The following EFHC1 variants were observed in gnomAD, a reference collection of about 807,000 sequenced individuals.
EFHC1 encodes EF-hand domain-containing protein 1.
EFHC1 carries 53 observed loss-of-function variants against 69.9 expected under a neutral mutation model. That is an observed-to-expected ratio of 0.76 (90% CI 0.61 to 0.95). EFHC1 has a LOEUF of 0.95. Among genes scored for constraint, EFHC1 ranks in the 40% least tolerant of loss-of-function variants. The pLI is 0.00. For synonymous variants in EFHC1, 256 were observed against 278.4 expected (o/e 0.92, Z 0.80); for missense variants, 739 against 798.7 (o/e 0.93, Z 0.90).
intron 3 of EFHC1, among the ~76,000 whole-genome samples, chr6:52,450,258 T>C (rs1224424994): frequency 6.6e-6 from 1 of 152,212 alleles, no homozygotes; most frequent in East Asian, 1.9e-4. Flanking sequence ...TGCCATGTGG[T>C]GATGAGAATA....
chr6:52,483,570 G>A (rs1401563734), intron 9 of EFHC1: 1 of 152,232 alleles, frequency 6.6e-6, no homozygotes, highest in East Asian at 1.9e-4. Context: ...CAGGAAAAGG[G>A]TGGTAACTTC....
In EFHC1 at chr6:52,424,066, C is replaced by G. The variant is rs764616948; in HGVS notation, c.184C>G (p.Leu62Val). 12 of 1,614,144 alleles carry G rather than the reference C, an allele frequency of 7.4e-6. No homozygotes were observed. Among genetic ancestry groups the G allele is most frequent in the Middle Eastern group, 3.3e-4 (2 of 6,062 alleles). ...LQFNQLSQAE[L>V]DELASKAPVL... ...GTTCAACCAGCTGTCCCAGGCTGAG[C>G]TGGATGAGTTGGCCAGTAAGGCACC... Residue 62 changes from leucine (L) to valine (V), a missense_variant, in exon 2 of 11, where the codon CTG becomes GTG. Physicochemically the swap from Leu to Val is conservative, Grantham distance 32 (BLOSUM62 1). Coordinates refer to ENST00000371068, the MANE Select transcript of EFHC1 (RefSeq NM_018100.4).
rs376784441 is a variant in EFHC1, at chr6:52,459,831, C to T, written c.917-5064C>T. 6.5e-3 allele frequency among the ~76,000 whole-genome samples: 994 copies of T among 152,248 alleles called. 18 individuals are homozygous for T. The highest frequency in any genetic ancestry group is 0.022 in the African/African-American group (932 of 41,558). On this transcript the variant is annotated intron_variant, in intron 5 of 10. Transcript: ENST00000371068. The stretch of plus-strand genomic sequence containing the variant: ...CTGGGACTACAGGCGCCTGCCACTA[C>T]GCCCGGCTAATTTTTTGTATTTTTA...
intron 4 of EFHC1, chr6:52,453,615 G>A: frequency 3.3e-6 from 4 of 1,206,484 alleles, no homozygotes; most frequent in Non-Finnish European, 4.2e-6. Flanking sequence ...ATTTGAAGAA[G>A]CCTAGCCAAA....
At chr6:52,492,217 C>G (rs1306671862) in intron 10 of EFHC1, 53 bp from the exon 11 acceptor site, 1 of 1,526,650 alleles carries the variant, frequency 6.6e-7, no homozygotes, top group African/African-American at 1.4e-5. Flanking sequence ...TGCAGTTGAG[C>G]TGACGGAAGC....
intron 1 of EFHC1, 56 bp downstream of exon 1, chr6:52,420,529 G>A: frequency 6.2e-7 from 1 of 1,607,880 alleles, no homozygotes; most frequent in South Asian, 1.1e-5. Flanking sequence ...AGCCCAGGAG[G>A]TTTCCCCGCT....
intron 5 of EFHC1, 91 bp from the exon 6 acceptor site, chr6:52,464,804 A>G (rs1562457016): frequency 1.7e-5 from 19 of 1,088,002 alleles, no homozygotes; most frequent in Non-Finnish European, 2.2e-5. Context: ...GCACTCCCTC[A>G]GGTTCTCAAG....
chr6:52,446,112 C>A (rs1457598175), intron 3 of EFHC1, among the ~76,000 whole-genome samples: 1 of 152,064 alleles, frequency 6.6e-6, no homozygotes, highest in Non-Finnish European at 1.5e-5. Context: ...TCCTGGTTAT[C>A]CTTATTAACT....
Position 52,495,576 on chromosome 6 carries a change from C to A in EFHC1, c.*3235C>A. On this transcript the variant is annotated 3_prime_UTR_variant, in exon 11 of 11. Transcript: ENST00000371068. Reference sequence around the variant, plus strand: ...TTAGCATCCTCTAGCCTGCTTTTGGCTGTTTTGTTTTGTTTTTGTGTTTGT... The same window carrying A: ...TTAGCATCCTCTAGCCTGCTTTTGGATGTTTTGTTTTGTTTTTGTGTTTGT... 1 of 454,012 alleles carries A rather than the reference C, an allele frequency of 2.2e-6. No homozygotes were observed. Among genetic ancestry groups the A allele is most frequent in the Non-Finnish European group, 4.4e-6 (1 of 226,770 alleles). 28.1% of individuals were successfully genotyped at this position (454,012 alleles called of 1,614,324 possible). A position where few individuals can be genotyped will look rare whatever the true frequency, so the allele number is the denominator to read the frequency against.
At chr6:52,485,848 T>A (rs912554209) in intron 9 of EFHC1, 1 of 152,202 alleles carries the variant, frequency 6.6e-6, no homozygotes. Context: ...TTTTCTTTTT[T>A]AAATAAATTA....
intron 1 of EFHC1, among the ~76,000 whole-genome samples, chr6:52,422,706 CAT>C (rs1764217436): frequency 6.6e-6 from 1 of 152,030 alleles, no homozygotes; most frequent in Non-Finnish European, 1.5e-5. Context: ...AAACCATTAA[CAT>C]AACCTCTAAT....
chr6:52,444,851 T>G (rs1764744520), intron 3 of EFHC1, among the ~76,000 whole-genome samples: 1 of 152,232 alleles, frequency 6.6e-6, no homozygotes, highest in Non-Finnish European at 1.5e-5. Context: ...TTGGAATAGT[T>G]TCAGAAAGAA....
At chr6:52,440,587 G>A (rs1349066989) in intron 3 of EFHC1, among the ~76,000 whole-genome samples, 2 of 152,004 alleles carry the variant, frequency 1.3e-5, no homozygotes, top group Non-Finnish European at 2.9e-5. Context: ...ATAGTGCTGC[G>A]ATGAACATAC....
At chr6:52,451,011 G>T (rs1403534497) in intron 3 of EFHC1, among the ~76,000 whole-genome samples, 1 of 152,082 alleles carries the variant, frequency 6.6e-6, no homozygotes, top group African/African-American at 2.4e-5. Context: ...TGTTGGCCAG[G>T]CTGGTCCTAA....
chr6:52,487,914 A>C (rs542888591), intron 9 of EFHC1: 4 of 152,246 alleles, frequency 2.6e-5, no homozygotes, highest in Admixed American at 6.5e-5. Context: ...GCTCTTTTCC[A>C]GAGTGTGCCC....
chr6:52,480,512 C>T (rs1309164752), intron 9 of EFHC1, among the ~76,000 whole-genome samples: 1 of 152,156 alleles, frequency 6.6e-6, no homozygotes, highest in Non-Finnish European at 1.5e-5. Context: ...ACCTTCCAAG[C>T]AGCAGGAGAT....
chr6:52,485,228 A>T (rs933804402), intron 9 of EFHC1: 22 of 152,156 alleles, frequency 1.4e-4, no homozygotes, highest in Admixed American at 5.2e-4. Context: ...ACTTCCCGAA[A>T]GTTTTTTTCT....
At chr6:52,444,900 G>C (rs1351664913) in intron 3 of EFHC1, among the ~76,000 whole-genome samples, 6 of 152,064 alleles carry the variant, frequency 3.9e-5, no homozygotes, top group Non-Finnish European at 1.5e-5. Flanking sequence ...TAGAATTCGG[G>C]TGTGAATCTG....
chr6:52,457,969 GC>G (rs1765081172), intron 5 of EFHC1, among the ~76,000 whole-genome samples: 1 of 152,104 alleles, frequency 6.6e-6, no homozygotes, highest in African/African-American at 2.4e-5. Flanking sequence ...ACTACTATAA[GC>G]CCCATATCTC....
Sources: gnomAD v4.1 joint callset for allele counts (sites outside exome capture counted in the v4.1 genomes callset) on GRCh38, gnomAD v4.1.1 for gene constraint, MANE v1.5 for transcripts, NCBI Gene and HGNC (gene_info 2026-07-23, HGNC 2026-07-21) for gene names.